The following PYGL variants were observed in gnomAD, a reference collection of about 807,000 sequenced individuals.
PYGL encodes glycogen phosphorylase, liver form.
Under a neutral mutation model 100.1 loss-of-function variants are expected in PYGL, and 90 were observed. That is an observed-to-expected ratio of 0.90 (90% confidence interval 0.76 to 1.07). The LOEUF (loss-of-function observed/expected upper bound fraction) is 1.07, where lower values mean the gene tolerates loss of function less well. Among genes scored for constraint, PYGL ranks in the 50% least tolerant of loss-of-function variants. The pLI, the probability that PYGL is intolerant of heterozygous loss-of-function variation, is 0.00. For synonymous variants in PYGL, 373 were observed against 393.0 expected (o/e 0.95, Z 0.60); for missense variants, 1,016 against 1,057.6 (o/e 0.96, Z 0.55).
At chr14:50,921,189 T>G (rs1024448754) in intron 5 of PYGL, 122 bp from the exon 6 acceptor site, 9 of 769,798 alleles carry the variant, frequency 1.2e-5, no homozygotes, top group Non-Finnish European at 2.0e-5. Flanking sequence ...TTAAATTGTG[T>G]GAGGCCTAAA....
At chr14:50,908,434 C>T in intron 18 of PYGL, 97 bp from the exon 19 acceptor site, 2 of 1,136,920 alleles carry the variant, frequency 1.8e-6, no homozygotes, top group Non-Finnish European at 2.6e-6. Flanking sequence ...TGCTTAATAT[C>T]AGGCATGGCT....
intron 4 of PYGL, among the ~76,000 whole-genome samples, chr14:50,927,476 C>T (rs915289040): frequency 3.9e-5 from 6 of 152,288 alleles, no homozygotes; most frequent in Admixed American, 6.5e-5. Flanking sequence ...CTGCCTGCCT[C>T]GGCCTCCTAA....
chr14:50,922,673 G>A (rs1002950944), intron 5 of PYGL, among the ~76,000 whole-genome samples: 2 of 152,202 alleles, frequency 1.3e-5, no homozygotes, highest in Admixed American at 1.3e-4. Flanking sequence ...CTAGGGCCGA[G>A]ACTTCTCTAA....
At chr14:50,928,554 C>T (rs1393065686) in intron 4 of PYGL, among the ~76,000 whole-genome samples, 3 of 152,172 alleles carry the variant, frequency 2.0e-5, no homozygotes, top group African/African-American at 4.8e-5. Context: ...TTTCTCCCCA[C>T]TTCCTCCTAG....
chr14:50,939,031 A>T (rs55838048), intron 1 of PYGL, among the ~76,000 whole-genome samples: 2,058 of 152,070 alleles, frequency 0.014, 26 homozygotes, highest in Middle Eastern at 0.034. Flanking sequence ...TTAATTAATT[A>T]ATTTATTTAT....
In PYGL at chr14:50,935,085, A is replaced by G. The variant is rs567899125; in HGVS notation, c.424+22T>C. On this transcript the variant is annotated intron_variant, in intron 3 of 19. Coordinates refer to ENST00000216392, the MANE Select transcript of PYGL (RefSeq NM_002863.5). ...TGTCTTCAATCGGCCAGACAATATAATACACTCACAATGTCACTTACCAGC... is the reference window on the plus strand; with the variant it reads ...TGTCTTCAATCGGCCAGACAATATAGTACACTCACAATGTCACTTACCAGC... 132 of 1,585,160 alleles carry G rather than the reference A, an allele frequency of 8.3e-5. No homozygotes were observed. In the South Asian group the frequency reaches 1.4e-3, roughly 17 times the overall value.
rs766851647 is a variant in PYGL, at chr14:50,937,793, T to C, written c.288A>G (p.Leu96=). 1.2e-6 allele frequency: 2 copies of C among 1,614,010 alleles called. No homozygotes were observed. Among genetic ancestry groups the C allele is most frequent in the Non-Finnish European group, 8.5e-7 (1 of 1,179,970 alleles). ...LSLEFYMGRT[L]QNTMINLGLQ... is the part of the protein sequence containing the mutation. ...GACCGAGGTTGATCATGGTGTTCTG[T>C]AATGTTCGGCCCATGTAAAATTCCA... Residue 96 remains leucine, a synonymous_variant, in exon 2 of 20, where the codon TTA becomes TTG. Transcript: ENST00000216392.
At chr14:50,909,098 T>A in intron 17 of PYGL, 143 bp from the exon 18 acceptor site, 1 of 936,782 alleles carries the variant, frequency 1.1e-6, no homozygotes, top group African/African-American at 1.7e-5. Context: ...GATTTCACCA[T>A]GAGTATATAT....
rs944800057 is a variant in PYGL at position 50,921,284 on chromosome 14, C to T, written c.661-217G>A. 1.8e-5 allele frequency: 10 copies of T among 570,932 alleles called. No individual in the cohort carries two copies. In the East Asian group the frequency reaches 2.4e-4, roughly 14 times the overall value. The allele number at this position is 570,932 out of a possible 1,614,324, so 35.4% of individuals were successfully genotyped here. The stretch of plus-strand genomic sequence containing the variant: ...CCTGGTACAATCTAGTGACTGAAAC[C>T]ATCCACACTGATGGTCCTTTACAGT... On this transcript the variant is annotated intron_variant, in intron 5 of 19. Transcript: ENST00000216392.
At chr14:50,921,103 C>T in intron 5 of PYGL, 36 bp from the exon 6 acceptor site, 1 of 1,514,916 alleles carries the variant, frequency 6.6e-7, no homozygotes, top group East Asian at 2.3e-5. Flanking sequence ...CTCATTGTTT[C>T]CCAAGTGTGA....
chr14:50,936,936 C>T (rs2050659153), intron 2 of PYGL, among the ~76,000 whole-genome samples: 1 of 152,080 alleles, frequency 6.6e-6, no homozygotes, highest in Non-Finnish European at 1.5e-5. Context: ...AGAGGACCTG[C>T]AGGGGTTCTT....
At position 50,916,517 on chromosome 14, in the gene PYGL, A is replaced by T. The variant is rs553314999; in HGVS notation, c.1092+125T>A. 968 of 870,892 alleles carry T rather than the reference A, an allele frequency of 1.1e-3. 21 individuals carry two copies. In the South Asian group the frequency reaches 0.013, roughly 12 times the overall value. The allele number at this position is 870,892 out of a possible 1,614,324, so 53.9% of individuals were successfully genotyped here. On this transcript the variant is annotated intron_variant, in intron 9 of 19. Transcript: ENST00000216392. ...AAAATGTCAGCGTCAGGGAAAATAT[A>T]CCTTTAACTGTTGAAAGTTAGCAAC... is the stretch of plus-strand genomic sequence containing the variant.
In PYGL at chr14:50,929,510, A is replaced by G. The variant is rs373926706; in HGVS notation, c.528+2163T>C. Among the ~76,000 whole-genome samples the G allele has an allele frequency of 5.3e-4, 81 of 152,358 alleles. 4 individuals are homozygous for G. The highest frequency in any genetic ancestry group is 1.7e-3 in the African/African-American group (72 of 41,588). On this transcript the variant is annotated intron_variant, in intron 4 of 19. Coordinates refer to ENST00000216392, the MANE Select transcript of PYGL (RefSeq NM_002863.5). Reference sequence around the variant, plus strand: ...AAAAAGAGCAAAGGTAGGTGTGATAACAGTGACCCTTCATAAAACGTAAGG... The same window carrying G: ...AAAAAGAGCAAAGGTAGGTGTGATAGCAGTGACCCTTCATAAAACGTAAGG...
intron 4 of PYGL, among the ~76,000 whole-genome samples, chr14:50,930,503 C>G (rs542151253): frequency 4.3e-4 from 66 of 152,214 alleles, no homozygotes; most frequent in Middle Eastern, 6.8e-3. Context: ...TGGTCCTTAG[C>G]AAAATGTGGA....
At chr14:50,928,200 T>C (rs3783275) in intron 4 of PYGL, among the ~76,000 whole-genome samples, 37,117 of 152,062 alleles carry the variant, frequency 0.24, 4,948 homozygotes, top group East Asian at 0.45. Context: ...GGGACTCTGT[T>C]GACTGAATTC....
intron 4 of PYGL, among the ~76,000 whole-genome samples, chr14:50,924,599 A>T (rs1244988783): frequency 6.6e-6 from 1 of 152,240 alleles, no homozygotes; most frequent in Non-Finnish European, 1.5e-5. Context: ...TGCTACTTAC[A>T]GAACACTCTT....
At chr14:50,921,392 G>T in intron 5 of PYGL, 5 of 240,750 alleles carry the variant, frequency 2.1e-5, no homozygotes, top group Admixed American at 5.1e-5. Flanking sequence ...ATTCAAAAAA[G>T]TTTATCTTTT....
chr14:50,942,946 G>A (rs971959413), intron 1 of PYGL, among the ~76,000 whole-genome samples: 6 of 152,184 alleles, frequency 3.9e-5, no homozygotes, highest in African/African-American at 1.4e-4. Flanking sequence ...CTACCTTGGT[G>A]GAGGCCTAGG....
Position 50,941,760 on chromosome 14 carries a change from C to T in PYGL, c.243+2401G>A, listed in dbSNP as rs530290441. Among the ~76,000 whole-genome samples, 19 of 152,234 alleles carry T rather than the reference C, an allele frequency of 1.2e-4. No individual in the cohort carries two copies. The South Asian group carries it at 3.7e-3, about 30-fold the overall frequency. On this transcript the variant is annotated intron_variant, in intron 1 of 19. Coordinates refer to ENST00000216392, the MANE Select transcript of PYGL (RefSeq NM_002863.5). ...GGGCATGGTGGCATGCACCTGTAAT[C>T]CCAGCTACTCAGGAGGCTAAGGCAG... is the stretch of plus-strand genomic sequence containing the variant.
Sources: gnomAD v4.1 joint callset for allele counts (sites outside exome capture counted in the v4.1 genomes callset) on GRCh38, gnomAD v4.1.1 for gene constraint, MANE v1.5 for transcripts, NCBI Gene and HGNC (gene_info 2026-07-23, HGNC 2026-07-21) for gene names.